GRB2: variants seen among roughly 807,000 people sequenced by gnomAD.
GRB2 encodes growth factor receptor bound protein 2.
A neutral mutation model predicts 27.4 loss-of-function variants in GRB2; 2 were observed. That is an observed-to-expected ratio of 0.07 (90% CI 0.03 to 0.23). GRB2 has a LOEUF of 0.23. Among genes scored for constraint, GRB2 ranks in the 10% least tolerant of loss-of-function variants. The pLI, the probability that GRB2 is intolerant of heterozygous loss-of-function variation, is 1.00. For missense variants in GRB2, 102 were observed against 282.4 expected (o/e 0.36, Z 4.58); for synonymous variants, 94 against 99.6 (o/e 0.94, Z 0.33).
chr17:75,353,473 A>AG (rs398120020), intron 2 of GRB2, among the ~76,000 whole-genome samples: 34 of 150,424 alleles, frequency 2.3e-4, no homozygotes, highest in Middle Eastern at 3.2e-3. Flanking sequence ...TAAAAAAAAA[A>AG]CCATTTTTAC....
In GRB2 at chr17:75,403,156, AT is replaced by A. The variant is rs1395147309; in HGVS notation, c.-138+2332del. Among the ~76,000 whole-genome samples the A allele has an allele frequency of 1.3e-3, 135 of 100,970 alleles. 1 individual carries two copies. Among genetic ancestry groups the A allele is most frequent in the African/African-American group, 3.4e-3 (121 of 35,808 alleles). 66.2% of individuals were successfully genotyped at this position (100,970 alleles called of 152,430 possible). The stretch of plus-strand genomic sequence containing the variant: ...AAAAAGGCAACTTTGACCAAAAAAA[AT>A]ATATATATATATAAATATATATATA... On this transcript the variant is annotated intron_variant, in intron 1 of 5. Coordinates refer to ENST00000316804, the MANE Select transcript of GRB2 (RefSeq NM_002086.5).
chr17:75,374,679 C>T (rs1179619856), intron 2 of GRB2, among the ~76,000 whole-genome samples: 1 of 151,710 alleles, frequency 6.6e-6, no homozygotes, highest in Non-Finnish European at 1.5e-5. Context: ...CCCAGCTACT[C>T]GGGAAGCTGA....
At chr17:75,356,258 T>C (rs998614635) in intron 2 of GRB2, among the ~76,000 whole-genome samples, 1 of 152,164 alleles carries the variant, frequency 6.6e-6, no homozygotes, top group Admixed American at 6.6e-5. Context: ...GGTTCATGCC[T>C]GTAATTCCAA....
rs961611387 is a variant in GRB2 at position 75,362,010 on chromosome 17, A to T, written c.79-29213T>A. Among the ~76,000 whole-genome samples the T allele has an allele frequency of 2.0e-5, 3 of 152,144 alleles. No homozygotes were observed. The East Asian group carries it at 5.8e-4, about 29-fold the overall frequency. ...GGAAAGTATGTAAAGCACTGCTTGTATTCCTGGTTAAGTGTCAGAACCACA... is the reference window on the plus strand; with the variant it reads ...GGAAAGTATGTAAAGCACTGCTTGTTTTCCTGGTTAAGTGTCAGAACCACA... On this transcript the variant is annotated intron_variant, in intron 2 of 5. Coordinates refer to ENST00000316804, the MANE Select transcript of GRB2 (RefSeq NM_002086.5).
chr17:75,350,976 A>C (rs1340294595), intron 2 of GRB2, among the ~76,000 whole-genome samples: 1 of 152,162 alleles, frequency 6.6e-6, no homozygotes, highest in African/African-American at 2.4e-5. Context: ...CAGAGAACTG[A>C]GCCCGACTGT....
chr17:75,328,944 T>A (rs921628923), intron 3 of GRB2, among the ~76,000 whole-genome samples: 4 of 119,238 alleles, frequency 3.4e-5, no homozygotes, highest in African/African-American at 7.7e-5. Context: ...TTTCAAAAAA[T>A]AAATAAATAA....
intron 2 of GRB2, among the ~76,000 whole-genome samples, chr17:75,352,790 C>A (rs1299760260): frequency 6.6e-6 from 1 of 151,948 alleles, no homozygotes. Context: ...TCTGAACTGA[C>A]TAGCACCAAA....
chr17:75,324,096 C>G (rs957514320), intron 4 of GRB2, among the ~76,000 whole-genome samples: 3 of 151,896 alleles, frequency 2.0e-5, no homozygotes, highest in Admixed American at 1.3e-4. Context: ...AGGCATGAGC[C>G]ACCATGCCGG....
chr17:75,347,946 A>C (rs2078665650), intron 2 of GRB2, among the ~76,000 whole-genome samples: 1 of 152,220 alleles, frequency 6.6e-6, no homozygotes, highest in Admixed American at 6.5e-5. Context: ...CCTTTATATA[A>C]AGTGACATTT....
intron 2 of GRB2, among the ~76,000 whole-genome samples, chr17:75,364,185 G>T (rs980874178): frequency 1.3e-4 from 20 of 152,106 alleles, no homozygotes; most frequent in Non-Finnish European, 4.4e-5. Context: ...TAGCCACCAA[G>T]CTGCCTTGTA....
chr17:75,334,855 CTTT>C (rs10545922), intron 2 of GRB2, among the ~76,000 whole-genome samples: 399 of 143,536 alleles, frequency 2.8e-3, no homozygotes, highest in Admixed American at 4.2e-3. Context: ...CTCAAAATAT[CTTT>C]TTTTTTTTTT....
chr17:75,391,846 G>A (rs549330333), intron 2 of GRB2, among the ~76,000 whole-genome samples: 32 of 150,714 alleles, frequency 2.1e-4, no homozygotes, highest in Non-Finnish European at 2.5e-4. Flanking sequence ...AAAAGAGACC[G>A]CATGCCCCTA....
At chr17:75,329,505 T>A (rs2078524929) in intron 3 of GRB2, among the ~76,000 whole-genome samples, 2 of 152,032 alleles carry the variant, frequency 1.3e-5, no homozygotes, top group African/African-American at 4.8e-5. Context: ...TGTAGTGAAG[T>A]ACAAATTATA....
intron 2 of GRB2, among the ~76,000 whole-genome samples, chr17:75,347,338 CCT>C (rs2078661993): frequency 6.6e-6 from 1 of 152,182 alleles, no homozygotes; most frequent in South Asian, 2.1e-4. Context: ...GGTAGGCTTT[CCT>C]CTGATTGATC....
intron 2 of GRB2, among the ~76,000 whole-genome samples, chr17:75,342,118 T>C (rs1192996864): frequency 6.6e-6 from 1 of 152,176 alleles, no homozygotes; most frequent in East Asian, 1.9e-4. Context: ...ACCACCCTGG[T>C]CACCTTTCCC....
At chr17:75,399,516 C>A (rs1264979669) in intron 1 of GRB2, among the ~76,000 whole-genome samples, 1 of 151,478 alleles carries the variant, frequency 6.6e-6, no homozygotes, top group African/African-American at 2.4e-5. Flanking sequence ...TACATGCCCC[C>A]ACCACCACGA....
intron 2 of GRB2, among the ~76,000 whole-genome samples, chr17:75,391,051 A>G (rs907760638): frequency 2.0e-5 from 3 of 152,192 alleles, no homozygotes; most frequent in African/African-American, 4.8e-5. Flanking sequence ...TTTTTAACTA[A>G]CAGCTTTTAA....
intron 2 of GRB2, among the ~76,000 whole-genome samples, chr17:75,356,431 C>T (rs1293076696): frequency 6.6e-6 from 1 of 152,068 alleles, no homozygotes; most frequent in East Asian, 1.9e-4. Context: ...TCGCTTGAGC[C>T]CAGGAGGTCG....
At position 75,321,737 on chromosome 17, in the gene GRB2, C is replaced by T; in HGVS notation, c.390G>A (p.Glu130=). 1 of 1,614,114 alleles carries T rather than the reference C, an allele frequency of 6.2e-7. No individual in the cohort carries two copies. The highest frequency in any genetic ancestry group is 8.5e-7 in the Non-Finnish European group (1 of 1,179,976). ...LWVVKFNSLN[E]LVDYHRSTSV... ...ATGTAGATCTGTGATAATCCACCAG[C>T]TCATTCAAAGAATTGAACTTCACCA... The change falls in exon 5 of 6, where the codon GAG becomes GAA. Residue 130 remains glutamate, a synonymous_variant. Coordinates refer to ENST00000316804, the MANE Select transcript of GRB2 (RefSeq NM_002086.5).
Sources: gnomAD v4.1 joint callset for allele counts (sites outside exome capture counted in the v4.1 genomes callset) on GRCh38, gnomAD v4.1.1 for gene constraint, MANE v1.5 for transcripts, NCBI Gene and HGNC (gene_info 2026-07-23, HGNC 2026-07-21) for gene names.